Variants in AOAH observed in about 807,000 individuals in gnomAD.
AOAH encodes acyloxyacyl hydrolase (neutrophil).
In AOAH, 64 loss-of-function variants were observed where a neutral mutation model predicts 92.2. That is an observed-to-expected ratio of 0.69 (90% CI 0.57 to 0.86). The LOEUF is 0.86. Among genes scored for constraint, AOAH ranks in the 40% least tolerant of loss-of-function variants. The probability of loss-of-function intolerance (pLI) is 0.00; values close to 1 mark genes in which losing one functional copy is unlikely to be tolerated. For missense variants in AOAH, 656 were observed against 694.6 expected, an observed-to-expected ratio of 0.94 and a Z score of 0.62; for synonymous variants, 263 against 254.5, an observed-to-expected ratio of 1.03 and a Z score of -0.32.
At chr7:36,563,133 A>G (rs6944391) in intron 13 of AOAH, among the ~76,000 whole-genome samples, 17,857 of 136,986 alleles carry the variant, frequency 0.13, 1,422 homozygotes, top group African/African-American at 0.18. Flanking sequence ...TGCAACAAGA[A>G]TGAAACTCCG....
intron 4 of AOAH, among the ~76,000 whole-genome samples, chr7:36,640,883 T>C (rs905351663): frequency 2.0e-5 from 3 of 152,128 alleles, no homozygotes; most frequent in African/African-American, 7.2e-5. Flanking sequence ...GAAAAGAGCC[T>C]GCAGGAAGCT....
In AOAH at chr7:36,724,308, G is replaced by C; in HGVS notation, c.-160C>G. ...CTCTCACATACACACTTTTCAATAA[G>C]TGTGAAGTGAATAAAAGCACACATA... On this transcript the variant is annotated 5_prime_UTR_variant, in exon 1 of 21. Coordinates refer to ENST00000617537, the MANE Select transcript of AOAH (RefSeq NM_001637.4). The C allele has an allele frequency of 1.4e-6, 1 of 731,502 alleles. No individual in the cohort carries two copies. The highest frequency in any genetic ancestry group is 2.2e-6 in the Non-Finnish European group (1 of 461,234). 45.3% of individuals were successfully genotyped at this position (731,502 alleles called of 1,614,324 possible). A position where few individuals can be genotyped will look rare whatever the true frequency, so the allele number is the denominator to read the frequency against.
intron 12 of AOAH, among the ~76,000 whole-genome samples, chr7:36,591,092 G>T (rs1157228793): frequency 1.3e-5 from 2 of 149,380 alleles, no homozygotes; most frequent in East Asian, 3.9e-4. Flanking sequence ...TCCAAACAGA[G>T]AATTTCCTTT....
chr7:36,674,991 A>G (rs1796151531), intron 2 of AOAH, among the ~76,000 whole-genome samples: 1 of 152,258 alleles, frequency 6.6e-6, no homozygotes. Context: ...GCAGCGGCTC[A>G]CGCCTGTAAT....
chr7:36,615,431 AC>A (rs2093284257), intron 11 of AOAH, among the ~76,000 whole-genome samples: 1 of 152,184 alleles, frequency 6.6e-6, no homozygotes, highest in African/African-American at 2.4e-5. Context: ...TTTATTTTGC[AC>A]TGAGCCCTGC....
chr7:36,662,670 C>G (rs1158374141), intron 3 of AOAH, among the ~76,000 whole-genome samples: 1 of 152,136 alleles, frequency 6.6e-6, no homozygotes, highest in Non-Finnish European at 1.5e-5. Flanking sequence ...CAATCCAGGA[C>G]AAGCAGAGCC....
At chr7:36,523,734 C>T (rs1301250057) in intron 19 of AOAH, among the ~76,000 whole-genome samples, 2 of 145,666 alleles carry the variant, frequency 1.4e-5, no homozygotes, top group Non-Finnish European at 3.0e-5. Flanking sequence ...CTCTGAAGCT[C>T]CTGTGGGTTC....
chr7:36,518,832 G>A (rs1484710112), intron 20 of AOAH, among the ~76,000 whole-genome samples: 2 of 152,164 alleles, frequency 1.3e-5, no homozygotes. Flanking sequence ...ATCACCCGAT[G>A]ATCTGGAATC....
At chr7:36,522,290 G>A (rs1425897978) in intron 19 of AOAH, among the ~76,000 whole-genome samples, 175 bp from the exon 20 acceptor site, 3 of 152,202 alleles carry the variant, frequency 2.0e-5, no homozygotes, top group South Asian at 4.1e-4. Flanking sequence ...TGATCTTCCC[G>A]CTGTGTGTGT....
intron 11 of AOAH, among the ~76,000 whole-genome samples, chr7:36,606,747 C>T (rs1791033514): frequency 6.6e-6 from 1 of 151,938 alleles, no homozygotes; most frequent in Non-Finnish European, 1.5e-5. Flanking sequence ...TTGTTTTTTC[C>T]CTTGAAAGAA....
Position 36,668,277 on chromosome 7 carries a change from C to T in AOAH, c.290+5666G>A, listed in dbSNP as rs149163282. 5.7e-3 allele frequency among the ~76,000 whole-genome samples: 864 copies of T among 152,224 alleles called. 1 individual carries two copies. The highest frequency in any genetic ancestry group is 8.4e-3 in the Non-Finnish European group (570 of 68,008). On this transcript the variant is annotated intron_variant, in intron 3 of 20. Coordinates refer to ENST00000617537, the MANE Select transcript of AOAH (RefSeq NM_001637.4). ...TAAAACTCACAAAAGAGTGGGTGGG[C>T]ACACCCCTATGACTTGGTTCCCCTG...
rs1292728397 is a variant in AOAH, at chr7:36,549,481, T to C, written c.1022-6A>G. 9 of 1,572,262 alleles carry C rather than the reference T, an allele frequency of 5.7e-6. No homozygotes were observed. The highest frequency in any genetic ancestry group is 7.0e-6 in the Non-Finnish European group (8 of 1,149,402). On this transcript the variant is annotated splice_region_variant and splice_polypyrimidine_tract_variant and intron_variant, in intron 13 of 20. Coordinates refer to ENST00000617537, the MANE Select transcript of AOAH (RefSeq NM_001637.4). ...CAGGTTTCGGGAAGATGCACCTGAATAATTAAAATTAAGAAAACAATTAAA... is the reference window on the plus strand; with the variant it reads ...CAGGTTTCGGGAAGATGCACCTGAACAATTAAAATTAAGAAAACAATTAAA...
At chr7:36,714,258 T>C (rs1798975064) in intron 1 of AOAH, among the ~76,000 whole-genome samples, 1 of 151,788 alleles carries the variant, frequency 6.6e-6, no homozygotes, top group Non-Finnish European at 1.5e-5. Flanking sequence ...ACACATACAC[T>C]CTCCCAAGAC....
chr7:36,616,593 T>A lies in AOAH; in HGVS notation c.752-119A>T, dbSNP rs143125980. 2.0e-3 allele frequency: 1,564 copies of A among 770,750 alleles called. 35 individuals carry two copies. In the East Asian group the frequency reaches 0.031, roughly 15 times the overall value. The allele number at this position is 770,750 out of a possible 1,614,324, so 47.7% of individuals were successfully genotyped here. ...TTCCAGGCACCGAGCATTTTCACAG[T>A]AATGCATTACCACTTTTCGCATGTT... On this transcript the variant is annotated intron_variant, in intron 10 of 20. Transcript: ENST00000617537.
At chr7:36,545,511 T>C (rs558906040) in intron 15 of AOAH, among the ~76,000 whole-genome samples, 1 of 152,334 alleles carries the variant, frequency 6.6e-6, no homozygotes, top group South Asian at 2.1e-4. Flanking sequence ...TTCCTCTTAA[T>C]TCAGTGCTGG....
chr7:36,590,048 G>C (rs1789635106), intron 12 of AOAH, among the ~76,000 whole-genome samples: 1 of 151,834 alleles, frequency 6.6e-6, no homozygotes, highest in Non-Finnish European at 1.5e-5. Flanking sequence ...AAACTCCTGG[G>C]CTCAAGCAAT....
At chr7:36,548,195 C>T (rs949088815) in intron 15 of AOAH, among the ~76,000 whole-genome samples, 11 of 151,826 alleles carry the variant, frequency 7.2e-5, no homozygotes, top group Non-Finnish European at 1.6e-4. Flanking sequence ...CTAGGACTTG[C>T]TTTTTTTTGA....
At chr7:36,704,536 A>T (rs1296847587) in intron 1 of AOAH, among the ~76,000 whole-genome samples, 1 of 152,172 alleles carries the variant, frequency 6.6e-6, no homozygotes, top group African/African-American at 2.4e-5. Flanking sequence ...GACCAGATGG[A>T]TTCATAGCAA....
chr7:36,569,164 G>A (rs6960135), intron 13 of AOAH, among the ~76,000 whole-genome samples: 1 of 152,240 alleles, frequency 6.6e-6, no homozygotes, highest in Non-Finnish European at 1.5e-5. Context: ...AGGAAAACAT[G>A]CCGTTAGGCA....
Sources: allele counts gnomAD v4.1 joint callset (sites outside exome capture counted in the v4.1 genomes callset), GRCh38; gene constraint gnomAD v4.1.1; transcripts MANE v1.5; gene names NCBI Gene and HGNC (gene_info 2026-07-23, HGNC 2026-07-21).